RGS7: variants seen among roughly 807,000 people sequenced by gnomAD.
RGS7 encodes the protein regulator of G protein signaling 7, also known as regulator of G-protein signaling 7.
RGS7 carries 27 observed loss-of-function variants against 81.1 expected under a neutral mutation model. The observed-to-expected ratio is 0.33, with a 90% confidence interval of 0.25 to 0.46. RGS7 has a LOEUF of 0.46. Among genes scored for constraint, RGS7 ranks in the 20% least tolerant of loss-of-function variants. RGS7 has a pLI of 1.00. For missense variants in RGS7, 396 were observed against 607.4 expected (o/e 0.65, Z 3.66); for synonymous variants, 208 against 207.7 (o/e 1.00, Z -0.01).
chr1:241,334,793 C>T (rs1417368763), intron 2 of RGS7, among the ~76,000 whole-genome samples: 1 of 152,108 alleles, frequency 6.6e-6, no homozygotes, highest in Non-Finnish European at 1.5e-5. Flanking sequence ...CATCTCTTGG[C>T]AAAAGGTCCC....
chr1:241,348,985 T>C (rs1252304065), intron 2 of RGS7, among the ~76,000 whole-genome samples: 1 of 132,940 alleles, frequency 7.5e-6, no homozygotes, highest in East Asian at 2.2e-4. Flanking sequence ...ATAATTTTTG[T>C]TGAAGAATAG....
intron 2 of RGS7, among the ~76,000 whole-genome samples, chr1:241,230,025 T>A (rs2075563189): frequency 6.6e-6 from 1 of 152,004 alleles, no homozygotes; most frequent in African/African-American, 2.4e-5. Flanking sequence ...GAGGAGTCCA[T>A]CAGTTCACAA....
chr1:241,337,662 C>T (rs2082323646), intron 2 of RGS7, among the ~76,000 whole-genome samples: 1 of 152,146 alleles, frequency 6.6e-6, no homozygotes, highest in Non-Finnish European at 1.5e-5. Context: ...ATGCACAAAA[C>T]ACACAAGCAA....
In RGS7 at chr1:241,280,438, G is replaced by A. The variant is rs563670532; in HGVS notation, c.78+75261C>T. On this transcript the variant is annotated intron_variant, in intron 2 of 18. Transcript: ENST00000440928. The stretch of plus-strand genomic sequence containing the variant: ...CAGTCTGCTGTACTTTGTTTAAGTA[G>A]TTCTAGCAAATGAACACAGAACTAC... 8.5e-5 allele frequency among the ~76,000 whole-genome samples: 13 copies of A among 152,300 alleles called. No homozygotes were observed. The East Asian group carries it at 2.5e-3, about 29-fold the overall frequency.
At chr1:240,845,705 A>G (rs1239669036) in intron 9 of RGS7, among the ~76,000 whole-genome samples, 1 of 152,192 alleles carries the variant, frequency 6.6e-6, no homozygotes, top group Admixed American at 6.5e-5. Context: ...GCCACCAGAA[A>G]CTGCTACACA....
intron 2 of RGS7, among the ~76,000 whole-genome samples, chr1:241,259,005 TAG>T (rs1435227595): frequency 6.6e-6 from 1 of 152,132 alleles, no homozygotes; most frequent in African/African-American, 2.4e-5. Flanking sequence ...AGGAAAATTG[TAG>T]AGAGATACAG....
chr1:241,055,349 C>A (rs559549471), intron 3 of RGS7, among the ~76,000 whole-genome samples: 1 of 152,278 alleles, frequency 6.6e-6, no homozygotes, highest in Non-Finnish European at 1.5e-5. Flanking sequence ...GGAGTTCCTA[C>A]AACATTCTTC....
At chr1:241,208,508 A>G (rs77892452) in intron 2 of RGS7, among the ~76,000 whole-genome samples, 1 of 152,048 alleles carries the variant, frequency 6.6e-6, no homozygotes. Context: ...TGTCTAGGTG[A>G]AAATAAGCAC....
Position 240,780,470 on chromosome 1 carries a change from T to A in RGS7, c.*7-4257A>T, listed in dbSNP as rs182053752. Among the ~76,000 whole-genome samples, 4 of 148,918 alleles carry A rather than the reference T, an allele frequency of 2.7e-5. No individual in the cohort carries two copies. The East Asian group carries it at 7.9e-4, about 29-fold the overall frequency. On this transcript the variant is annotated intron_variant, in intron 18 of 18. Transcript: ENST00000440928. ...AAAAAAAAAAAAAAAAAAAAAGTGC[T>A]TCCTCTTTGTGGGATGAAGGAAGGT...
chr1:241,259,667 A>AAAAAAAAAAAAAATAT lies in RGS7; in HGVS notation c.78+96031_78+96032insATATTTTTTTTTTTTT. 4.2e-3 allele frequency among the ~76,000 whole-genome samples: 208 copies of AAAAAAAAAAAAAATAT among 49,100 alleles called. 8 individuals carry two copies. The highest frequency in any genetic ancestry group is 7.4e-3 in the South Asian group (7 of 946). 32.2% of individuals were successfully genotyped at this position (49,100 alleles called of 152,430 possible). A position where few individuals can be genotyped will look rare whatever the true frequency, so the allele number is the denominator to read the frequency against. ...CTCCGTCTCAAAAAAAAAAAAAAAA[A>AAAAAAAAAAAAAATAT]ATATATATATATATATATAATTAAA... is the stretch of plus-strand genomic sequence containing the variant. On this transcript the variant is annotated intron_variant, in intron 2 of 18. Transcript: ENST00000440928.
intron 3 of RGS7, among the ~76,000 whole-genome samples, chr1:240,999,126 T>C (rs1687750207): frequency 6.6e-6 from 1 of 152,150 alleles, no homozygotes; most frequent in Non-Finnish European, 1.5e-5. Flanking sequence ...TCCTTTTTGA[T>C]GTTGTCCTTT....
chr1:241,350,968 A>G (rs1573801098), intron 2 of RGS7, among the ~76,000 whole-genome samples: 1 of 152,150 alleles, frequency 6.6e-6, no homozygotes, highest in Non-Finnish European at 1.5e-5. Flanking sequence ...TCTGGCAAGT[A>G]TGTCTCCTCT....
chr1:241,319,436 G>A (rs2081081998), intron 2 of RGS7, among the ~76,000 whole-genome samples: 1 of 152,158 alleles, frequency 6.6e-6, no homozygotes, highest in African/African-American at 2.4e-5. Context: ...TGGTGGTAGT[G>A]CCTTTAACTG....
intron 18 of RGS7, among the ~76,000 whole-genome samples, chr1:240,791,400 GTGTCTGTAGATATACACATAATATA>G (rs1685981045): frequency 6.6e-6 from 1 of 152,150 alleles, no homozygotes; most frequent in Non-Finnish European, 1.5e-5. Flanking sequence ...ATTTACCAAG[GTGTCTGTAGATATACACATAATATA>G]TCCATGCTTA....
intron 9 of RGS7, among the ~76,000 whole-genome samples, chr1:240,846,012 T>A (rs185787931): frequency 2.0e-5 from 3 of 152,322 alleles, no homozygotes; most frequent in East Asian, 3.9e-4. Context: ...ATGTATTTAA[T>A]GTCATCCAAA....
intron 9 of RGS7, among the ~76,000 whole-genome samples, chr1:240,857,774 T>C (rs557472476): frequency 6.6e-6 from 1 of 152,274 alleles, no homozygotes; most frequent in South Asian, 2.1e-4. Flanking sequence ...CCAAATCTCA[T>C]CTGAATTGTA....
intron 6 of RGS7, among the ~76,000 whole-genome samples, chr1:240,893,712 C>T (rs1249307855): frequency 6.6e-6 from 1 of 152,052 alleles, no homozygotes; most frequent in African/African-American, 2.4e-5. Flanking sequence ...AAAGGAAACC[C>T]AGTTCTATTT....
At chr1:240,977,202 A>G (rs576016270) in intron 4 of RGS7, among the ~76,000 whole-genome samples, 1 of 151,962 alleles carries the variant, frequency 6.6e-6, no homozygotes, top group Admixed American at 6.6e-5. Context: ...ATGTAGACGT[A>G]TGTTCACCAA....
In RGS7 at chr1:241,027,771, T is replaced by C. The variant is rs73123768; in HGVS notation, c.176-44642A>G. On this transcript the variant is annotated intron_variant, in intron 3 of 18. Transcript: ENST00000440928. ...ATGGAGGAAAAACAGGTGGAGAGAA[T>C]GGGAATCAAGAATTGGGTTTTGTGG... 3.5e-3 allele frequency among the ~76,000 whole-genome samples: 536 copies of C among 152,102 alleles called. 4 individuals carry two copies. The highest frequency in any genetic ancestry group is 0.012 in the African/African-American group (506 of 41,480).
Sources: gnomAD v4.1 joint callset for allele counts (sites outside exome capture counted in the v4.1 genomes callset) on GRCh38, gnomAD v4.1.1 for gene constraint, MANE v1.5 for transcripts, NCBI Gene and HGNC (gene_info 2026-07-23, HGNC 2026-07-21) for gene names.